The following NPTXR variants were observed in gnomAD, a reference collection of about 807,000 sequenced individuals.
NPTXR encodes neuronal pentraxin receptor.
A neutral mutation model predicts 32.2 loss-of-function variants in NPTXR; 12 were observed. The ratio of observed to expected loss-of-function variants is 0.37; its 90% confidence interval spans 0.24 to 0.60. The LOEUF (loss-of-function observed/expected upper bound fraction) is 0.60, where lower values mean the gene tolerates loss of function less well. Ranked by LOEUF, NPTXR falls within the 20% of genes least tolerant of loss-of-function variation. NPTXR has a pLI of 0.66. For missense variants in NPTXR, 612 were observed against 682.9 expected (o/e 0.90, Z 1.16); for synonymous variants, 323 against 315.8 (o/e 1.02, Z -0.24).
In NPTXR at chr22:38,826,505, C is replaced by T. The variant is rs779185093; in HGVS notation, c.1093G>A (p.Asp365Asn). ...TCCCTGCCAGCCCTGCCTACCTTGT[C>T]GTTGATCAGCAGCTCCATGGGCTCA... The change falls in exon 3 of 5, where the codon GAC becomes AAC. Residue 365 changes from aspartate (D) to asparagine (N), a missense_variant. Coordinates refer to ENST00000333039, the MANE Select transcript of NPTXR (RefSeq NM_014293.4). The T allele has an allele frequency of 1.9e-5, 30 of 1,603,292 alleles. 1 individual carries two copies. The South Asian group carries it at 2.3e-4, about 12-fold the overall frequency.
chr22:38,823,261 A>G lies in NPTXR; in HGVS notation c.1100T>C (p.Val367Ala). 1 of 1,610,282 alleles carries G rather than the reference A, an allele frequency of 6.2e-7. No homozygotes were observed. The stretch of plus-strand genomic sequence containing the variant: ...CTTCAGGCTCAGGGGCAGCTGGGCC[A>G]CCTGGACACAGGTCCCCCAACCCCA... The change falls in exon 4 of 5, where the codon GTG becomes GCG. Residue 367 changes from valine (V) to alanine (A), a missense_variant and splice_region_variant. Transcript: ENST00000333039.
chr22:38,838,790 C>A (rs2093128075), intron 1 of NPTXR, among the ~76,000 whole-genome samples: 1 of 151,936 alleles, frequency 6.6e-6, no homozygotes, highest in Non-Finnish European at 1.5e-5. Flanking sequence ...ACCGTGTTAG[C>A]CAGGATGGTC....
chr22:38,823,840 G>C (rs1025683243), intron 3 of NPTXR, among the ~76,000 whole-genome samples: 1 of 152,202 alleles, frequency 6.6e-6, no homozygotes, highest in Non-Finnish European at 1.5e-5. Flanking sequence ...CACGAGCCTC[G>C]ATTTAGCTCA....
At chr22:38,823,354 TC>T in intron 3 of NPTXR, 92 bp from the exon 4 acceptor site, 2 of 1,209,732 alleles carry the variant, frequency 1.7e-6, no homozygotes, top group East Asian at 2.5e-5. Context: ...GAGACCCATG[TC>T]CATCCTTCCA....
At chr22:38,839,148 A>T (rs1473584545) in intron 1 of NPTXR, among the ~76,000 whole-genome samples, 1 of 152,268 alleles carries the variant, frequency 6.6e-6, no homozygotes, top group East Asian at 1.9e-4. Flanking sequence ...CTCCCACTCC[A>T]GGATGGGAGG....
At position 38,843,361 on chromosome 22, in the gene NPTXR, C is replaced by G. The variant is rs1268175239; in HGVS notation, c.498G>C (p.Pro166=). Reference sequence around the variant, plus strand: ...GGGGCCCGGCGCCCTGGAGGCCGCGCGGCAGGCCGCTCTCGCAGCGGCCCA... The same window carrying G: ...GGGGCCCGGCGCCCTGGAGGCCGCGGGGCAGGCCGCTCTCGCAGCGGCCCA... The change falls in exon 1 of 5, where the codon CCG becomes CCC. Residue 166 remains proline, a synonymous_variant. Transcript: ENST00000333039. This position sits in a 1 kb window ranked among gnomAD's most constrained non-coding sequence, Gnocchi z 5.3. 7.8e-6 allele frequency: 11 copies of G among 1,409,236 alleles called. No individual in the cohort carries two copies. In the African/African-American group the frequency reaches 1.1e-4, roughly 14 times the overall value. The allele number at this position is 1,409,236 out of a possible 1,614,324, so 87.3% of individuals were successfully genotyped here. A position where few individuals can be genotyped will look rare whatever the true frequency, so the allele number is the denominator to read the frequency against.
chr22:38,831,672 C>T (rs2093116445), intron 1 of NPTXR, among the ~76,000 whole-genome samples: 1 of 151,864 alleles, frequency 6.6e-6, no homozygotes, highest in Non-Finnish European at 1.5e-5. Flanking sequence ...TCAAGGGGCG[C>T]ATTTCATCTC....
At position 38,843,251 on chromosome 22, in the gene NPTXR, C is replaced by T. The variant is rs1176234635; in HGVS notation, c.608G>A (p.Arg203His). Residue 203 changes from arginine to histidine, a missense_variant, in exon 1 of 5, where the codon CGC (arginine) becomes CAC (histidine). Transcript: ENST00000333039. The surrounding 1 kb of genome is among the most constrained non-coding windows in gnomAD (Gnocchi z 5.3). ...GGCGCTCACCTCCAGGCGGTCGATGCGGTCCCGCAGGGCGCGCACGGCGTC... is the reference window on the plus strand; with the variant it reads ...GGCGCTCACCTCCAGGCGGTCGATGTGGTCCCGCAGGGCGCGCACGGCGTC... 1.4e-6 allele frequency: 2 copies of T among 1,402,136 alleles called. No individual in the cohort carries two copies. The highest frequency in any genetic ancestry group is 3.2e-5 in the Admixed American group (1 of 31,462). 86.9% of individuals were successfully genotyped at this position (1,402,136 alleles called of 1,614,324 possible).
At position 38,843,508 on chromosome 22, in the gene NPTXR, C is replaced by G. The variant is rs1202690617; in HGVS notation, c.351G>C (p.Pro117=). Residue 117 remains proline (P), a synonymous_variant, in exon 1 of 5, where the codon CCG becomes CCC. Transcript: ENST00000333039. The surrounding 1 kb of genome is among the most constrained non-coding windows in gnomAD (Gnocchi z 5.3). ...GCAGCAGCAGCTCTTCGCGCTCGCC[C>G]GGCGCAGCGCCCGCCGCGTCCCCCT... 7 of 1,275,226 alleles carry G rather than the reference C, an allele frequency of 5.5e-6. No individual in the cohort carries two copies. Among genetic ancestry groups the G allele is most frequent in the Middle Eastern group, 3.0e-4 (1 of 3,376 alleles). 79.0% of individuals were successfully genotyped at this position (1,275,226 alleles called of 1,614,324 possible). A position where few individuals can be genotyped will look rare whatever the true frequency, so the allele number is the denominator to read the frequency against.
At position 38,822,528 on chromosome 22, in the gene NPTXR, G is replaced by T; in HGVS notation, c.*81C>A. 8.0e-7 allele frequency: 1 copy of T among 1,256,068 alleles called. No individual in the cohort carries two copies. Among genetic ancestry groups the T allele is most frequent in the Non-Finnish European group, 1.1e-6 (1 of 886,106 alleles). 77.8% of individuals were successfully genotyped at this position (1,256,068 alleles called of 1,614,324 possible). On this transcript the variant is annotated 3_prime_UTR_variant, in exon 5 of 5. Transcript: ENST00000333039. ...GGGGCAGGAGGGAAGGCCAGTGCGT[G>T]GGCAGGCTGAGGAGGGAATATGACC...
At chr22:38,841,348 C>T (rs2093131343) in intron 1 of NPTXR, among the ~76,000 whole-genome samples, 1 of 152,276 alleles carries the variant, frequency 6.6e-6, no homozygotes, top group Non-Finnish European at 1.5e-5. Context: ...GGAAGGCTGA[C>T]CTGTTGCCAA....
At chr22:38,839,384 C>T (rs796786203) in intron 1 of NPTXR, among the ~76,000 whole-genome samples, 14 of 152,356 alleles carry the variant, frequency 9.2e-5, no homozygotes, top group African/African-American at 3.4e-4. Context: ...GTGGCTCACG[C>T]CTGTAATCCC....
In NPTXR at chr22:38,843,957, G is replaced by A. The variant is rs897238979; in HGVS notation, c.-99C>T. On this transcript the variant is annotated 5_prime_UTR_variant, in exon 1 of 5. Transcript: ENST00000333039. This position sits in a 1 kb window ranked among gnomAD's most constrained non-coding sequence, Gnocchi z 5.3. The stretch of plus-strand genomic sequence containing the variant: ...GCGCTGGGCCGAGCGGGGCAGGCGC[G>A]GGAGCCGGAGCCGGAGCCGGAGCCG... 43 of 695,316 alleles carry A rather than the reference G, an allele frequency of 6.2e-5. No individual in the cohort carries two copies. The East Asian group carries it at 3.5e-3, about 56-fold the overall frequency. 43.1% of individuals were successfully genotyped at this position (695,316 alleles called of 1,614,324 possible). A position where few individuals can be genotyped will look rare whatever the true frequency, so the allele number is the denominator to read the frequency against.
chr22:38,836,006 G>A (rs1220036388), intron 1 of NPTXR, among the ~76,000 whole-genome samples: 1 of 152,074 alleles, frequency 6.6e-6, no homozygotes, highest in Non-Finnish European at 1.5e-5. Flanking sequence ...ACCTCCTACA[G>A]GCAAAGATTT....
Position 38,822,479 on chromosome 22 carries a change from G to A in NPTXR, c.*130C>T. Reference sequence around the variant, plus strand: ...CTGGAGGTGTGGGTACAGGTGAGGGGAAATGGGAGGCACAGCCAGGAGTGG... The same window carrying A: ...CTGGAGGTGTGGGTACAGGTGAGGGAAAATGGGAGGCACAGCCAGGAGTGG... On this transcript the variant is annotated 3_prime_UTR_variant, in exon 5 of 5. Transcript: ENST00000333039. 1 of 767,598 alleles carries A rather than the reference G, an allele frequency of 1.3e-6. No individual in the cohort carries two copies. Among genetic ancestry groups the A allele is most frequent in the Non-Finnish European group, 2.2e-6 (1 of 458,068 alleles). 47.5% of individuals were successfully genotyped at this position (767,598 alleles called of 1,614,324 possible). A position where few individuals can be genotyped will look rare whatever the true frequency, so the allele number is the denominator to read the frequency against.
chr22:38,832,160 C>A (rs950859109), intron 1 of NPTXR, among the ~76,000 whole-genome samples: 13 of 152,200 alleles, frequency 8.5e-5, no homozygotes, highest in Admixed American at 3.9e-4. Flanking sequence ...GGCTCTGCAG[C>A]GGCCAGGAAG....
chr22:38,833,126 G>A (rs1022518101), intron 1 of NPTXR, among the ~76,000 whole-genome samples: 2 of 152,158 alleles, frequency 1.3e-5, no homozygotes, highest in Admixed American at 1.3e-4. Flanking sequence ...CTACACTGCT[G>A]GTCTGGGTCT....
chr22:38,825,219 G>A (rs1240256643), intron 3 of NPTXR, among the ~76,000 whole-genome samples: 4 of 152,192 alleles, frequency 2.6e-5, no homozygotes, highest in Non-Finnish European at 5.9e-5. Context: ...GGAGGCCTGG[G>A]CATGAGGAAG....
chr22:38,831,385 C>T (rs1016944580), intron 1 of NPTXR, among the ~76,000 whole-genome samples: 1 of 152,116 alleles, frequency 6.6e-6, no homozygotes, highest in African/African-American at 2.4e-5. Context: ...CCAGCCTGAG[C>T]AACAGAGCGA....
Sources: gnomAD v4.1 joint callset for allele counts (sites outside exome capture counted in the v4.1 genomes callset) on GRCh38, gnomAD v4.1.1 for gene constraint, Gnocchi (gnomAD v3.1) non-coding constraint, MANE v1.5 for transcripts, NCBI Gene and HGNC (gene_info 2026-07-23, HGNC 2026-07-21) for gene names.